CTNNA3: variants seen among roughly 807,000 people sequenced by gnomAD.
The protein encoded by CTNNA3 is catenin alpha 3, also known as catenin alpha-3.
A neutral mutation model predicts 95.7 loss-of-function variants in CTNNA3; 76 were observed. The observed-to-expected ratio is 0.79, with a 90% confidence interval of 0.66 to 0.96. CTNNA3 has a LOEUF of 0.96. Ranked by LOEUF, CTNNA3 falls within the 40% of genes least tolerant of loss-of-function variation. The pLI is 0.00. For synonymous variants in CTNNA3, 431 were observed against 374.4 expected (o/e 1.15, Z -1.74); for missense variants, 1,191 against 1,089.8 (o/e 1.09, Z -1.31).
chr10:67,487,822 TTC>T (rs1204377906), intron 5 of CTNNA3, among the ~76,000 whole-genome samples: 2 of 152,186 alleles, frequency 1.3e-5, no homozygotes, highest in Non-Finnish European at 2.9e-5. Flanking sequence ...GACTGCCAGC[TTC>T]TCTCTTGACC....
chr10:66,235,146 A>T (rs67876961), intron 13 of CTNNA3, among the ~76,000 whole-genome samples: 6 of 152,108 alleles, frequency 3.9e-5, no homozygotes, highest in Admixed American at 3.9e-4. Flanking sequence ...GATAAGCCAA[A>T]TTATACCCAG....
chr10:66,106,412 A>G (rs1055213076), intron 13 of CTNNA3, among the ~76,000 whole-genome samples: 7 of 150,638 alleles, frequency 4.6e-5, no homozygotes, highest in Non-Finnish European at 8.9e-5. Context: ...AAGATTAACT[A>G]TCTTAGAGGC....
chr10:67,583,929 T>C (rs969229399), intron 3 of CTNNA3, among the ~76,000 whole-genome samples: 2 of 152,242 alleles, frequency 1.3e-5, no homozygotes, highest in African/African-American at 4.8e-5. Flanking sequence ...TAAGGTCTTC[T>C]CTATGCTGCT....
intron 9 of CTNNA3, among the ~76,000 whole-genome samples, chr10:66,721,088 A>C (rs899100168): frequency 6.6e-6 from 1 of 152,192 alleles, no homozygotes; most frequent in African/African-American, 2.4e-5. Context: ...ACGTACAGAC[A>C]AAATTCAGAA....
At chr10:66,045,380 G>A (rs1332134845) in intron 15 of CTNNA3, among the ~76,000 whole-genome samples, 1 of 152,070 alleles carries the variant, frequency 6.6e-6, no homozygotes, top group Non-Finnish European at 1.5e-5. Flanking sequence ...AACATACCCT[G>A]AAAACTTATT....
rs375605328 is a variant in CTNNA3 at position 67,136,919 on chromosome 10, T to C, written c.1047+43398A>G. 1.2e-4 allele frequency among the ~76,000 whole-genome samples: 18 copies of C among 152,256 alleles called. 1 individual carries two copies. In the South Asian group the frequency reaches 2.5e-3, roughly 21 times the overall value. ...AAGAAAGAAGAGAAGATGATGAGTA[T>C]TAGTTCATTTTTAGTTGAGAGAGTA... On this transcript the variant is annotated intron_variant, in intron 7 of 17. Coordinates refer to ENST00000433211, the MANE Select transcript of CTNNA3 (RefSeq NM_013266.4).
intron 5 of CTNNA3, among the ~76,000 whole-genome samples, chr10:67,351,445 C>T (rs1456322929): frequency 6.6e-6 from 1 of 151,726 alleles, no homozygotes; most frequent in Non-Finnish European, 1.5e-5. Flanking sequence ...ATGTTATAAA[C>T]CACGAAACAT....
upstream of CTNNA3, among the ~76,000 whole-genome samples, chr10:67,697,106 T>A (rs531562138): frequency 1.6e-4 from 24 of 152,320 alleles, no homozygotes; most frequent in South Asian, 3.9e-3. Flanking sequence ...TGTCAGAGAA[T>A]CAACTATGAA....
At chr10:67,443,448 C>A (rs1373428771) in intron 5 of CTNNA3, among the ~76,000 whole-genome samples, 3 of 151,060 alleles carry the variant, frequency 2.0e-5, no homozygotes, top group Non-Finnish European at 4.4e-5. Context: ...CACATCCTCT[C>A]CAGCACCTGT....
At chr10:67,014,043 G>A (rs903014962) in intron 7 of CTNNA3, among the ~76,000 whole-genome samples, 3 of 152,158 alleles carry the variant, frequency 2.0e-5, no homozygotes, top group Non-Finnish European at 4.4e-5. Flanking sequence ...GACAAAAGGG[G>A]GAGTGTAAAA....
At position 66,512,971 on chromosome 10, in the gene CTNNA3, T is replaced by C. The variant is rs78696356; in HGVS notation, c.1531+7646A>G. Among the ~76,000 whole-genome samples the C allele has an allele frequency of 9.1e-3, 1,378 of 152,020 alleles. 22 individuals carry two copies. The highest frequency in any genetic ancestry group is 0.032 in the African/African-American group (1,313 of 41,332). Reference sequence around the variant, plus strand: ...CTTTACTTTGACAATTTGACTATCATGTGCCTCATAGAAGACCTTTTTGGA... The same window carrying C: ...CTTTACTTTGACAATTTGACTATCACGTGCCTCATAGAAGACCTTTTTGGA... On this transcript the variant is annotated intron_variant, in intron 11 of 17. Coordinates refer to ENST00000433211, the MANE Select transcript of CTNNA3 (RefSeq NM_013266.4).
chr10:67,375,909 A>G (rs1843669391), intron 5 of CTNNA3, among the ~76,000 whole-genome samples: 1 of 152,156 alleles, frequency 6.6e-6, no homozygotes, highest in Non-Finnish European at 1.5e-5. Context: ...ACCTTTTGGG[A>G]GGTGATTAGT....
chr10:66,215,983 C>G (rs1200102605), intron 13 of CTNNA3, among the ~76,000 whole-genome samples: 7 of 152,214 alleles, frequency 4.6e-5, no homozygotes, highest in Non-Finnish European at 8.8e-5. Context: ...GCCTCCTGTG[C>G]TTTTACTTTC....
At chr10:66,958,070 G>A (rs1848915823) in intron 7 of CTNNA3, among the ~76,000 whole-genome samples, 1 of 151,974 alleles carries the variant, frequency 6.6e-6, no homozygotes, top group African/African-American at 2.4e-5. Flanking sequence ...ATGCAATTTT[G>A]ATCATTCATC....
intron 10 of CTNNA3, among the ~76,000 whole-genome samples, chr10:66,588,948 C>T (rs1205025578): frequency 7.9e-5 from 12 of 151,596 alleles, no homozygotes; most frequent in Non-Finnish European, 1.6e-4. Context: ...AGTTAAAGTG[C>T]CTTTGGTTAT....
intron 7 of CTNNA3, among the ~76,000 whole-genome samples, chr10:66,990,734 T>C (rs1285665681): frequency 6.6e-6 from 1 of 152,318 alleles, no homozygotes; most frequent in South Asian, 2.1e-4. Context: ...TTCATGTAGA[T>C]AATCTGGAAT....
intron 12 of CTNNA3, among the ~76,000 whole-genome samples, chr10:66,302,975 T>C (rs180689084): frequency 5.3e-5 from 8 of 152,292 alleles, no homozygotes; most frequent in Admixed American, 2.0e-4. Context: ...AAATTAGATA[T>C]AAGCTTCTCA....
intron 10 of CTNNA3, among the ~76,000 whole-genome samples, chr10:66,546,936 T>C (rs112136514): frequency 7.2e-5 from 11 of 152,196 alleles, no homozygotes. Flanking sequence ...GAGTAGATTA[T>C]ACTGCAATAA....
intron 6 of CTNNA3, among the ~76,000 whole-genome samples, chr10:67,195,385 T>G (rs1663089477): frequency 6.6e-6 from 1 of 151,836 alleles, no homozygotes; most frequent in South Asian, 2.1e-4. Flanking sequence ...CCTACTCACA[T>G]TGGGAAAGTG....
Sources: allele counts gnomAD v4.1 joint callset (sites outside exome capture counted in the v4.1 genomes callset), GRCh38; gene constraint gnomAD v4.1.1; transcripts MANE v1.5; gene names NCBI Gene and HGNC (gene_info 2026-07-23, HGNC 2026-07-21).